MCTP1: variants seen among roughly 807,000 people sequenced by gnomAD.
MCTP1 encodes the protein multiple C2 and transmembrane domain containing 1.
A neutral mutation model predicts 120.6 loss-of-function variants in MCTP1; 69 were observed. The ratio of observed to expected loss-of-function variants is 0.57; its 90% CI spans 0.47 to 0.70. The LOEUF (loss-of-function observed/expected upper bound fraction) is 0.70. Among genes scored for constraint, MCTP1 ranks in the 30% least tolerant of loss-of-function variants. The probability of loss-of-function intolerance (pLI) is 0.00; values close to 1 mark genes in which losing one functional copy is unlikely to be tolerated. For synonymous variants in MCTP1, 529 were observed against 493.1 expected, an observed-to-expected ratio of 1.07 and a Z score of -0.96; for missense variants, 1,203 against 1,248.8, an observed-to-expected ratio of 0.96 and a Z score of 0.55.
rs150900910 is a variant in MCTP1 at position 94,885,648 on chromosome 5, A to G, written c.1933+3231T>C. Among the ~76,000 whole-genome samples the G allele has an allele frequency of 1.3e-3, 200 of 148,260 alleles. 2 individuals carry two copies. Among genetic ancestry groups the G allele is most frequent in the African/African-American group, 4.2e-3 (170 of 40,574 alleles). ...CTCACAACGTGTAGAGTTTTAAGGA[A>G]AACTTGATCTAGCTGCAGAGAGAAT... On this transcript the variant is annotated intron_variant, in intron 12 of 22. Coordinates refer to ENST00000515393, the MANE Select transcript of MCTP1 (RefSeq NM_024717.7).
At chr5:94,825,446 G>T (rs749570669) in intron 17 of MCTP1, among the ~76,000 whole-genome samples, 29 of 151,674 alleles carry the variant, frequency 1.9e-4, no homozygotes, top group Admixed American at 5.3e-4. Flanking sequence ...TGCTGAGGAG[G>T]GTTTTGCTTC....
At chr5:94,937,518 G>A (rs1443210527) in intron 5 of MCTP1, among the ~76,000 whole-genome samples, 1 of 151,978 alleles carries the variant, frequency 6.6e-6, no homozygotes, top group African/African-American at 2.4e-5. Context: ...TTCTTTATTT[G>A]TGTTTGATAA....
At chr5:95,026,135 CTTTTAATTTTTAA>C (rs1481051964) in intron 1 of MCTP1, among the ~76,000 whole-genome samples, 6 of 151,866 alleles carry the variant, frequency 4.0e-5, no homozygotes, top group South Asian at 2.1e-4. Flanking sequence ...ATGATTGATT[CTTTTAATTTTTAA>C]TTTTAATTTT....
intron 19 of MCTP1, among the ~76,000 whole-genome samples, chr5:94,743,728 T>C (rs1345959484): frequency 1.4e-5 from 2 of 146,138 alleles, no homozygotes; most frequent in African/African-American, 5.1e-5. Context: ...AGCTCCGCCT[T>C]CCGGGTTCAC....
intron 19 of MCTP1, among the ~76,000 whole-genome samples, chr5:94,716,359 G>A (rs1458612995): frequency 6.6e-6 from 1 of 151,478 alleles, no homozygotes; most frequent in Non-Finnish European, 1.5e-5. Flanking sequence ...CATGACAGAC[G>A]TTGGTGCATC....
intron 1 of MCTP1, among the ~76,000 whole-genome samples, chr5:95,187,270 A>T (rs1219455749): frequency 6.6e-6 from 1 of 152,260 alleles, no homozygotes; most frequent in East Asian, 1.9e-4. Flanking sequence ...CTATTCAGCC[A>T]TAAAAAGAAT....
intron 19 of MCTP1, among the ~76,000 whole-genome samples, chr5:94,715,562 A>AAAAC (rs1758903983): frequency 6.6e-6 from 1 of 152,136 alleles, no homozygotes; most frequent in Non-Finnish European, 1.5e-5. Context: ...AGTTCATTTT[A>AAAAC]AAACATACTG....
At chr5:94,801,650 A>G (rs747300787) in intron 17 of MCTP1, among the ~76,000 whole-genome samples, 1 of 152,156 alleles carries the variant, frequency 6.6e-6, no homozygotes, top group Admixed American at 6.5e-5. Flanking sequence ...AATCTTTTTA[A>G]CCTATTAAGC....
intron 1 of MCTP1, among the ~76,000 whole-genome samples, chr5:95,207,991 A>AAGAGAGGGAG (rs1237232318): frequency 2.8e-4 from 16 of 57,870 alleles, no homozygotes; most frequent in South Asian, 1.2e-3. Flanking sequence ...GAGAGAGAGA[A>AAGAGAGGGAG]AGAGAGGGAG....
chr5:95,166,297 C>A (rs1159482096), intron 1 of MCTP1: 4 of 152,116 alleles, frequency 2.6e-5, no homozygotes, highest in African/African-American at 9.7e-5. Context: ...GCTTTGAGTT[C>A]TCCAATCAAG....
intron 1 of MCTP1, among the ~76,000 whole-genome samples, chr5:95,032,560 T>C (rs967855896): frequency 4.0e-5 from 6 of 151,804 alleles, no homozygotes; most frequent in Non-Finnish European, 7.4e-5. Context: ...AGAGAAAACA[T>C]ACCCGAACCT....
At chr5:94,839,491 A>T (rs568657701) in intron 17 of MCTP1, among the ~76,000 whole-genome samples, 1 of 152,294 alleles carries the variant, frequency 6.6e-6, no homozygotes, top group East Asian at 1.9e-4. Context: ...AATAAAATAG[A>T]ATTTTTTTCT....
At chr5:95,194,945 T>G (rs1750218324) in intron 1 of MCTP1, among the ~76,000 whole-genome samples, 1 of 152,144 alleles carries the variant, frequency 6.6e-6, no homozygotes, top group South Asian at 2.1e-4. Context: ...AGCAGAGACC[T>G]TGGCAATAAG....
chr5:94,954,113 A>ATATATATACATATATATATATGC (rs1821719925), intron 2 of MCTP1, among the ~76,000 whole-genome samples: 2 of 50,610 alleles, frequency 4.0e-5, no homozygotes, highest in Admixed American at 2.5e-4. Context: ...CATATATATG[A>ATATATATACATATATATATATGC]ATATATATAC....
intron 2 of MCTP1, among the ~76,000 whole-genome samples, chr5:95,016,673 C>T (rs1359968359): frequency 2.4e-4 from 37 of 152,010 alleles, no homozygotes; most frequent in Admixed American, 2.4e-3. Context: ...GTATCCACCT[C>T]CTGCAGCGCT....
chr5:94,882,549 A>G (rs1228673531), intron 12 of MCTP1, among the ~76,000 whole-genome samples: 1 of 151,714 alleles, frequency 6.6e-6, no homozygotes, highest in Non-Finnish European at 1.5e-5. Flanking sequence ...ATATTTTTTA[A>G]GTTTAATTTT....
chr5:94,808,983 T>G (rs1413119366), intron 17 of MCTP1, among the ~76,000 whole-genome samples: 1 of 152,160 alleles, frequency 6.6e-6, no homozygotes, highest in African/African-American at 2.4e-5. Flanking sequence ...ACAATCTTAG[T>G]ACATCAATGC....
At chr5:95,008,350 C>A (rs1003908717) in intron 2 of MCTP1, among the ~76,000 whole-genome samples, 1 of 152,114 alleles carries the variant, frequency 6.6e-6, no homozygotes, top group South Asian at 2.1e-4. Flanking sequence ...TCACCCCTTA[C>A]CAATTGAGAA....
intron 1 of MCTP1, among the ~76,000 whole-genome samples, chr5:95,153,733 G>T (rs542807543): frequency 1.3e-5 from 2 of 152,344 alleles, no homozygotes; most frequent in South Asian, 4.1e-4. Flanking sequence ...TCTCCGAGGA[G>T]TGATCAAGAA....
Sources: gnomAD v4.1 joint callset for allele counts (sites outside exome capture counted in the v4.1 genomes callset) on GRCh38, gnomAD v4.1.1 for gene constraint, MANE v1.5 for transcripts, NCBI Gene and HGNC (gene_info 2026-07-23, HGNC 2026-07-21) for gene names.